STK33: variants seen among roughly 807,000 people sequenced by gnomAD.
STK33 encodes serine/threonine kinase 33.
Under a neutral mutation model 58.0 loss-of-function variants are expected in STK33, and 52 were observed. That is an observed-to-expected ratio of 0.90 (90% CI 0.72 to 1.13). The LOEUF (loss-of-function observed/expected upper bound fraction) is 1.13, where lower values mean the gene tolerates loss of function less well. Among genes scored for constraint, STK33 ranks in the 50% most tolerant of loss-of-function variants. The pLI is 0.00. For missense variants in STK33, 630 were observed against 604.2 expected (o/e 1.04, Z -0.45); for synonymous variants, 215 against 200.1 (o/e 1.07, Z -0.63).
chr11:8,504,009 A>G (rs1951698759), intron 1 of STK33, among the ~76,000 whole-genome samples: 1 of 152,230 alleles, frequency 6.6e-6, no homozygotes, highest in African/African-American at 2.4e-5. Flanking sequence ...ATTGTTTCAC[A>G]ATGGACTTTA....
intron 1 of STK33, among the ~76,000 whole-genome samples, chr11:8,552,048 T>C (rs1956336221): frequency 6.6e-6 from 1 of 152,174 alleles, no homozygotes; most frequent in Non-Finnish European, 1.5e-5. Context: ...CCTCCTGGTG[T>C]TCCCCATGGT....
chr11:8,537,301 G>A (rs954472340), intron 1 of STK33, among the ~76,000 whole-genome samples: 13 of 151,696 alleles, frequency 8.6e-5, no homozygotes, highest in African/African-American at 2.9e-4. Flanking sequence ...TGTGGCCTAG[G>A]CTGGTCTGAA....
chr11:8,358,453 G>A, the STK33 span, among the ~76,000 whole-genome samples: 581 of 152,260 alleles, frequency 3.8e-3, 2 homozygotes, highest in African/African-American at 0.014. Flanking sequence ...GGCAGGGGCT[G>A]AGGTCTGCCC....
At chr11:8,536,670 T>C (rs1051018944) in intron 1 of STK33, among the ~76,000 whole-genome samples, 3 of 152,196 alleles carry the variant, frequency 2.0e-5, no homozygotes, top group African/African-American at 7.2e-5. Flanking sequence ...TTTTATTCAA[T>C]TGTTGTATTT....
intron 15 of STK33, among the ~76,000 whole-genome samples, chr11:8,393,521 T>G (rs1347200656): frequency 6.6e-6 from 1 of 152,070 alleles, no homozygotes; most frequent in African/African-American, 2.4e-5. Flanking sequence ...AGCATAGAGT[T>G]CTAAAAGAGT....
At chr11:8,352,593 A>G in the STK33 span, among the ~76,000 whole-genome samples, 174 of 152,296 alleles carry the variant, frequency 1.1e-3, no homozygotes, top group Non-Finnish European at 3.1e-4. Flanking sequence ...CCAGTGTAAA[A>G]GAAAATCTAA....
intron 1 of STK33, among the ~76,000 whole-genome samples, chr11:8,591,638 A>G (rs2141612192): frequency 6.6e-6 from 1 of 152,280 alleles, no homozygotes; most frequent in East Asian, 1.9e-4. Context: ...CTCTGCAAAA[A>G]AAGAGGTTGC....
intron 1 of STK33, among the ~76,000 whole-genome samples, chr11:8,498,121 T>G (rs1420869909): frequency 6.6e-6 from 1 of 152,042 alleles, no homozygotes; most frequent in Non-Finnish European, 1.5e-5. Flanking sequence ...ATACAATAAA[T>G]GGTAAAATAA....
At chr11:8,557,668 C>G (rs535197289) in intron 1 of STK33, among the ~76,000 whole-genome samples, 1 of 151,736 alleles carries the variant, frequency 6.6e-6, no homozygotes, top group African/African-American at 2.4e-5. Context: ...TCATGTATAT[C>G]ATGTTAGAAC....
chr11:8,525,978 A>G (rs1169167984), intron 1 of STK33, among the ~76,000 whole-genome samples: 2 of 152,206 alleles, frequency 1.3e-5, no homozygotes, highest in African/African-American at 4.8e-5. Flanking sequence ...AGTCAGGGAA[A>G]AGCATGTTAA....
chr11:8,529,703 A>G (rs1191076325), intron 1 of STK33, among the ~76,000 whole-genome samples: 1 of 152,138 alleles, frequency 6.6e-6, no homozygotes, highest in African/African-American at 2.4e-5. Flanking sequence ...ACAGTATGAG[A>G]AAGACTCGTT....
At chr11:8,336,672 C>T in the STK33 span, among the ~76,000 whole-genome samples, 2 of 152,242 alleles carry the variant, frequency 1.3e-5, no homozygotes, top group Non-Finnish European at 1.5e-5. Context: ...CCTTTTTCTG[C>T]AGGCACTCCA....
chr11:8,584,192 T>C (rs11041999), intron 1 of STK33, among the ~76,000 whole-genome samples: 70,936 of 151,422 alleles, frequency 0.47, 16,771 homozygotes, highest in Non-Finnish European at 0.5. Context: ...GACTTTGCTA[T>C]ACTTGGAACA....
chr11:8,400,148 C>T (rs534238265), intron 15 of STK33, among the ~76,000 whole-genome samples: 2 of 152,282 alleles, frequency 1.3e-5, no homozygotes, highest in South Asian at 2.1e-4. Context: ...ATACCAAAGC[C>T]TGGCAGAGAC....
chr11:8,569,774 T>C lies in STK33; in HGVS notation c.-466+24309A>G, dbSNP rs577510504. Among the ~76,000 whole-genome samples, 8 of 152,028 alleles carry C rather than the reference T, an allele frequency of 5.3e-5. No homozygotes were observed. The East Asian group carries it at 1.2e-3, about 22-fold the overall frequency. ...GAATTCAAGACTACCCTAGGCAACATGGCAAAACCCCATCTCTACAAAAAA... is the reference window on the plus strand; with the variant it reads ...GAATTCAAGACTACCCTAGGCAACACGGCAAAACCCCATCTCTACAAAAAA... On this transcript the variant is annotated intron_variant, in intron 1 of 15. Coordinates refer to ENST00000687296, the MANE Select transcript of STK33 (RefSeq NM_001352389.2).
chr11:8,441,439 A>C (rs530061912), intron 11 of STK33, among the ~76,000 whole-genome samples: 123 of 152,162 alleles, frequency 8.1e-4, no homozygotes, highest in African/African-American at 2.9e-3. Context: ...GCAGCCTCAA[A>C]CTACTAGGTT....
At chr11:8,427,044 A>G (rs1205179790) in intron 14 of STK33, among the ~76,000 whole-genome samples, 3 of 151,804 alleles carry the variant, frequency 2.0e-5, no homozygotes, top group Non-Finnish European at 2.9e-5. Context: ...GTATTTTTTG[A>G]TATCAGCGAA....
At chr11:8,539,302 T>TTAA (rs1955310273) in intron 1 of STK33, among the ~76,000 whole-genome samples, 1 of 152,206 alleles carries the variant, frequency 6.6e-6, no homozygotes, top group Non-Finnish European at 1.5e-5. Flanking sequence ...CTCTAGGGGC[T>TTAA]TAAAGGCAAT....
rs557957454 is a variant in STK33, at chr11:8,504,000, T to C, written c.-465-23386A>G. Among the ~76,000 whole-genome samples the C allele has an allele frequency of 5.9e-5, 9 of 152,336 alleles. No homozygotes were observed. In the South Asian group the frequency reaches 1.0e-3, roughly 18 times the overall value. On this transcript the variant is annotated intron_variant, in intron 1 of 15. Transcript: ENST00000687296. ...AGCTTTAAAAGGAATTACATAGAAA[T>C]TGTTTCACAATGGACTTTAAAACTG...
Sources: allele counts gnomAD v4.1 joint callset (sites outside exome capture counted in the v4.1 genomes callset), GRCh38; gene constraint gnomAD v4.1.1; transcripts MANE v1.5; gene names NCBI Gene and HGNC (gene_info 2026-07-23, HGNC 2026-07-21).